LIMS1: variants seen among roughly 807,000 people sequenced by gnomAD.
LIMS1 encodes the protein LIM and senescent cell antigen-like-containing domain protein 1.
In LIMS1, 18 loss-of-function variants were observed where a neutral mutation model predicts 44.1. The observed-to-expected ratio is 0.41, with a 90% CI of 0.28 to 0.61. The LOEUF is 0.61. LIMS1 is among the 20% of genes least tolerant of loss of function. The probability of loss-of-function intolerance (pLI) is 0.32; values close to 1 mark genes in which losing one functional copy is unlikely to be tolerated. For synonymous variants in LIMS1, 93 were observed against 149.1 expected (o/e 0.62, Z 2.74); for missense variants, 201 against 422.0 (o/e 0.48, Z 4.59).
chr2:108,589,496 G>A (rs1320320163), intron 1 of LIMS1, among the ~76,000 whole-genome samples: 1 of 152,010 alleles, frequency 6.6e-6, no homozygotes, highest in Non-Finnish European at 1.5e-5. Context: ...TGTTTTTCTA[G>A]TCTCTTTTTC....
At chr2:108,586,804 C>G (rs1053195402) in intron 1 of LIMS1, among the ~76,000 whole-genome samples, 1 of 152,132 alleles carries the variant, frequency 6.6e-6, no homozygotes, top group Non-Finnish European at 1.5e-5. Context: ...CAAGAGAGAT[C>G]GCAGCTGCTT....
intron 1 of LIMS1, among the ~76,000 whole-genome samples, chr2:108,555,406 A>G (rs1378278717): frequency 6.6e-6 from 1 of 152,182 alleles, no homozygotes; most frequent in Non-Finnish European, 1.5e-5. Flanking sequence ...TGCTGGTCAC[A>G]GGATCCAGGC....
At chr2:108,605,488 T>C (rs915328234) in intron 1 of LIMS1, among the ~76,000 whole-genome samples, 5 of 152,250 alleles carry the variant, frequency 3.3e-5, no homozygotes, top group African/African-American at 1.2e-4. Flanking sequence ...TTATAAAATT[T>C]TTTAAAATTT....
At chr2:108,634,123 G>T (rs934240849) in intron 1 of LIMS1, among the ~76,000 whole-genome samples, 2 of 152,206 alleles carry the variant, frequency 1.3e-5, no homozygotes, top group East Asian at 1.9e-4. Context: ...GAGGAAGCAG[G>T]CTGGGCAAAG....
At chr2:108,574,865 T>C (rs1281761255) in intron 1 of LIMS1, among the ~76,000 whole-genome samples, 1 of 152,204 alleles carries the variant, frequency 6.6e-6, no homozygotes, top group Admixed American at 6.5e-5. Context: ...TGGTTTTATT[T>C]TTATGGAATT....
chr2:108,543,288 G>T (rs1303921091), intron 1 of LIMS1, among the ~76,000 whole-genome samples: 3 of 152,148 alleles, frequency 2.0e-5, no homozygotes, highest in African/African-American at 7.2e-5. Context: ...AAAATTAGCT[G>T]GGCATGGTGG....
intron 1 of LIMS1, among the ~76,000 whole-genome samples, chr2:108,641,870 A>G (rs535540674): frequency 4.6e-5 from 7 of 152,344 alleles, no homozygotes; most frequent in Non-Finnish European, 8.8e-5. Context: ...CATTTGTTCT[A>G]GAAGCTACAA....
intron 1 of LIMS1, among the ~76,000 whole-genome samples, chr2:108,579,729 A>C: frequency 6.6e-6 from 1 of 152,210 alleles, no homozygotes; most frequent in Non-Finnish European, 1.5e-5. Context: ...CATGACTGGC[A>C]TGGGGCACAG....
At chr2:108,594,928 G>A (rs186978853) in intron 1 of LIMS1, among the ~76,000 whole-genome samples, 43 of 152,122 alleles carry the variant, frequency 2.8e-4, no homozygotes, top group Admixed American at 2.0e-3. Flanking sequence ...AAAAAAAATC[G>A]AATGTAGAGG....
At chr2:108,554,108 T>G (rs1277756500) in intron 1 of LIMS1, among the ~76,000 whole-genome samples, 2 of 152,166 alleles carry the variant, frequency 1.3e-5, no homozygotes, top group Non-Finnish European at 2.9e-5. Flanking sequence ...AGCATTACAT[T>G]TTCTCTGGGA....
intron 1 of LIMS1, among the ~76,000 whole-genome samples, chr2:108,634,203 G>A (rs911573492): frequency 6.6e-6 from 1 of 152,190 alleles, no homozygotes; most frequent in Non-Finnish European, 1.5e-5. Flanking sequence ...TGTCTGTAGG[G>A]GGAGGGAAGA....
At chr2:108,552,098 TGA>T (rs1168436455) in intron 1 of LIMS1, among the ~76,000 whole-genome samples, 2 of 145,988 alleles carry the variant, frequency 1.4e-5, no homozygotes, top group African/African-American at 5.0e-5. Flanking sequence ...ATATGTATAT[TGA>T]GAGAGTTAAC....
At chr2:108,652,174 CT>C (rs1395325825) in intron 1 of LIMS1, among the ~76,000 whole-genome samples, 4 of 151,422 alleles carry the variant, frequency 2.6e-5, no homozygotes, top group Non-Finnish European at 5.9e-5. Context: ...TAAGCATTCA[CT>C]TACCATACAA....
exon 2 of LIMS1, chr2:108,659,750 G>A (rs773956158): frequency 3.1e-6 from 5 of 1,612,390 alleles, no homozygotes; most frequent in Non-Finnish European, 4.2e-6. Context: ...GTTCCCAGAA[G>A]GACTCTTCTA....
At chr2:108,682,343 C>CA (rs1280807393) in intron 9 of LIMS1, among the ~76,000 whole-genome samples, 4 of 151,362 alleles carry the variant, frequency 2.6e-5, no homozygotes, top group Non-Finnish European at 5.9e-5. Context: ...ACTAAAAATA[C>CA]AAAAAAATTA....
intron 1 of LIMS1, among the ~76,000 whole-genome samples, chr2:108,583,797 C>T (rs796913698): frequency 8.2e-5 from 12 of 146,050 alleles, no homozygotes; most frequent in African/African-American, 2.8e-4. Flanking sequence ...TGGGTTCAAG[C>T]GATTGTCCTG....
At chr2:108,611,965 T>C (rs1211500236) in intron 1 of LIMS1, among the ~76,000 whole-genome samples, 3 of 145,546 alleles carry the variant, frequency 2.1e-5, no homozygotes, top group African/African-American at 7.6e-5. Context: ...ATATTATATA[T>C]ACACATATAT....
intron 1 of LIMS1, among the ~76,000 whole-genome samples, chr2:108,645,820 C>CAA (rs57714697): frequency 7.9e-4 from 82 of 103,740 alleles, no homozygotes; most frequent in African/African-American, 2.2e-3. Context: ...AAATGGAAAG[C>CAA]AAAAAAAAAA....
At chr2:108,617,813 G>A (rs1688008866) in intron 1 of LIMS1, among the ~76,000 whole-genome samples, 1 of 152,114 alleles carries the variant, frequency 6.6e-6, no homozygotes, top group Admixed American at 6.5e-5. Flanking sequence ...AGTCTGTCTG[G>A]GAAACTCCTG....
Sources: gnomAD v4.1 joint callset for allele counts (sites outside exome capture counted in the v4.1 genomes callset) on GRCh38, gnomAD v4.1.1 for gene constraint, MANE v1.5 for transcripts, NCBI Gene and HGNC (gene_info 2026-07-23, HGNC 2026-07-21) for gene names.